The following MACROH2A1 variants were observed in gnomAD, a reference collection of about 807,000 sequenced individuals.
The protein encoded by MACROH2A1 is core histone macro-H2A.1.
MACROH2A1 carries 2 observed loss-of-function variants against 31.6 expected under a neutral mutation model. The observed-to-expected ratio is 0.06, with a 90% CI of 0.03 to 0.20. MACROH2A1 has a LOEUF of 0.20. Among genes scored for constraint, MACROH2A1 ranks in the 10% least tolerant of loss-of-function variants. The pLI is 1.00. For synonymous variants in MACROH2A1, 169 were observed against 189.6 expected, an observed-to-expected ratio of 0.89 and a Z score of 0.89; for missense variants, 230 against 474.0, an observed-to-expected ratio of 0.49 and a Z score of 4.78.
At chr5:135,392,430 G>A (rs1767372977) in intron 1 of MACROH2A1, among the ~76,000 whole-genome samples, 2 of 152,180 alleles carry the variant, frequency 1.3e-5, no homozygotes, top group South Asian at 2.1e-4. Flanking sequence ...GGGTTGTCTT[G>A]CAGAGATTCT....
At chr5:135,357,260 A>G (rs1762286799) in intron 5 of MACROH2A1, 1 of 152,220 alleles carries the variant, frequency 6.6e-6, no homozygotes, top group Non-Finnish European at 1.5e-5. Context: ...TCGATAGCTG[A>G]GCCATTCCTT....
chr5:135,362,287 G>A (rs1762936857), intron 4 of MACROH2A1: 1 of 152,200 alleles, frequency 6.6e-6, no homozygotes, highest in Non-Finnish European at 1.5e-5. Flanking sequence ...GTGTACCACG[G>A]TTATGTGAGA....
At chr5:135,396,643 C>T (rs762631408) in intron 1 of MACROH2A1, among the ~76,000 whole-genome samples, 2 of 152,038 alleles carry the variant, frequency 1.3e-5, no homozygotes, top group Non-Finnish European at 2.9e-5. Flanking sequence ...TCACTCCTGG[C>T]TAGGTTACTG....
chr5:135,342,868 T>C (rs1217993259), intron 8 of MACROH2A1, among the ~76,000 whole-genome samples: 1 of 152,156 alleles, frequency 6.6e-6, no homozygotes, highest in African/African-American at 2.4e-5. Context: ...GGACAGACCA[T>C]AACACAGCTA....
At chr5:135,350,935 A>G (rs766017356) in intron 6 of MACROH2A1, 53 of 1,512,456 alleles carry the variant, frequency 3.5e-5, no homozygotes, top group African/African-American at 9.6e-5. Context: ...AAACAAATGT[A>G]TATCAACTGT....
At chr5:135,393,207 G>A (rs779563) in intron 1 of MACROH2A1, among the ~76,000 whole-genome samples, 8,267 of 152,222 alleles carry the variant, frequency 0.054, 305 homozygotes, top group African/African-American at 0.094. Context: ...ATGATTCCCA[G>A]GGTTGCCATG....
chr5:135,359,474 A>G (rs1356260219), intron 5 of MACROH2A1: 8 of 983,888 alleles, frequency 8.1e-6, no homozygotes, highest in Non-Finnish European at 9.7e-6. Flanking sequence ...TACAAAATAC[A>G]AAGAATGGTT....
intron 6 of MACROH2A1, among the ~76,000 whole-genome samples, chr5:135,351,934 A>C (rs1481215712): frequency 7.0e-6 from 1 of 143,680 alleles, no homozygotes; most frequent in African/African-American, 2.7e-5. Flanking sequence ...TTTTTTTTTT[A>C]AGTATCTGTA....
intron 2 of MACROH2A1, among the ~76,000 whole-genome samples, chr5:135,378,731 G>C (rs972202943): frequency 5.9e-5 from 9 of 152,198 alleles, no homozygotes; most frequent in African/African-American, 2.2e-4. Context: ...TTGAGGATTC[G>C]ATGAATTACC....
In MACROH2A1 at chr5:135,352,998, C is replaced by T; in HGVS notation, c.636G>A (p.Val212=). 1 of 1,609,902 alleles carries T rather than the reference C, an allele frequency of 6.2e-7. No individual in the cohort carries two copies. The highest frequency in any genetic ancestry group is 8.5e-7 in the Non-Finnish European group (1 of 1,176,206). ...CATTGGTAGGATTGATTATGGCCTC[C>T]ACCTCAAAGCCGGCTAAATTACTGA... is the stretch of plus-strand genomic sequence containing the variant. ...SEISNLAGFE[V]EAIINPTNAD... is the part of the protein sequence containing the mutation. The change falls in exon 6 of 9, where the codon GTG becomes GTA. Residue 212 remains valine, a synonymous_variant. Coordinates refer to ENST00000511689, the MANE Select transcript of MACROH2A1 (RefSeq NM_138610.3).
rs1218481968 is a variant in MACROH2A1 at position 135,360,564 on chromosome 5, G to A, written c.521C>T (p.Thr174Ile). The change falls in exon 5 of 9, where the codon ACA becomes ATA. Residue 174 changes from threonine (T) to isoleucine (I), a missense_variant. This residue lies in a region of MACROH2A1 where 183 missense variants were observed against 319.3 expected (regional missense o/e 0.57). Coordinates refer to ENST00000511689, the MANE Select transcript of MACROH2A1 (RefSeq NM_138610.3). ...GCCGTCGGCAGGTGTGCCCTCGGTT[G>A]TGCTGTCGGCGCTGGCTGCCTTACT... ...EVSKAASADS[T>I]TEGTPADGFT... is the part of the protein sequence containing the mutation. 1 of 1,614,108 alleles carries A rather than the reference G, an allele frequency of 6.2e-7. No homozygotes were observed. The highest frequency in any genetic ancestry group is 8.5e-7 in the Non-Finnish European group (1 of 1,179,958).
chr5:135,342,968 A>AAACTT (rs769589306), intron 8 of MACROH2A1, among the ~76,000 whole-genome samples: 9 of 152,144 alleles, frequency 5.9e-5, no homozygotes, highest in Middle Eastern at 3.2e-3. Context: ...GTGCCCCTCA[A>AAACTT]AACTTACTCT....
intron 6 of MACROH2A1, 72 bp downstream of exon 6, chr5:135,352,874 G>T: frequency 1.2e-6 from 1 of 865,456 alleles, no homozygotes; most frequent in Non-Finnish European, 2.0e-6. Flanking sequence ...CTGGGAAGAT[G>T]AAATGCCTAA....
chr5:135,350,989 A>C, intron 6 of MACROH2A1: 1 of 974,948 alleles, frequency 1.0e-6, no homozygotes, highest in South Asian at 1.4e-5. Flanking sequence ...TAATGCCCCA[A>C]TGGCAGGGCT....
intron 5 of MACROH2A1, chr5:135,353,860 T>G (rs1345093822): frequency 6.6e-6 from 1 of 152,216 alleles, no homozygotes; most frequent in Non-Finnish European, 1.5e-5. Context: ...ATGGCAACCC[T>G]GGCATCTGAG....
intron 5 of MACROH2A1, chr5:135,358,243 C>T (rs1762414579): frequency 8.1e-6 from 8 of 985,364 alleles, no homozygotes; most frequent in South Asian, 4.7e-5. Context: ...TATCAATGCT[C>T]ACTCCGTCTC....
At chr5:135,354,892 G>A (rs1372805526) in intron 5 of MACROH2A1, 1 of 367,316 alleles carries the variant, frequency 2.7e-6, no homozygotes, top group Admixed American at 3.5e-5. Flanking sequence ...GTGTGAAGAG[G>A]CAGGAGGTTG....
chr5:135,387,507 G>A (rs973510892), intron 2 of MACROH2A1, among the ~76,000 whole-genome samples: 3 of 152,134 alleles, frequency 2.0e-5, no homozygotes. Context: ...GAGGTACCCT[G>A]TCTTACTGAG....
chr5:135,389,149 G>A (rs1282680504), intron 1 of MACROH2A1, 23 bp from the exon 2 acceptor site: 22 of 1,554,672 alleles, frequency 1.4e-5, no homozygotes, highest in East Asian at 9.1e-5. Flanking sequence ...GAGGCACACC[G>A]GTCAGGGTGG....
Sources: gnomAD v4.1 joint callset for allele counts (sites outside exome capture counted in the v4.1 genomes callset) on GRCh38, gnomAD v4.1.1 for gene constraint, gnomAD v4.1.1 regional missense constraint, MANE v1.5 for transcripts, NCBI Gene and HGNC (gene_info 2026-07-23, HGNC 2026-07-21) for gene names.